The following SLC13A3 variants were observed in gnomAD, a reference collection of about 807,000 sequenced individuals.
SLC13A3 encodes the protein Na(+)/dicarboxylate cotransporter 3.
Under a neutral mutation model 59.0 loss-of-function variants are expected in SLC13A3, and 40 were observed. The ratio of observed to expected loss-of-function variants is 0.68; its 90% CI spans 0.53 to 0.88. The LOEUF is 0.88. Ranked by LOEUF, SLC13A3 falls within the 40% of genes least tolerant of loss-of-function variation. The pLI, the probability that SLC13A3 is intolerant of heterozygous loss-of-function variation, is 0.00. For missense variants in SLC13A3, 699 were observed against 783.2 expected (o/e 0.89, Z 1.28); for synonymous variants, 317 against 330.3 (o/e 0.96, Z 0.44).
intron 9 of SLC13A3, chr20:46,583,315 CTG>C (rs2062157628): frequency 5.3e-6 from 5 of 947,888 alleles, no homozygotes; most frequent in South Asian, 5.3e-5. Flanking sequence ...AATCTGAAAA[CTG>C]TGCTTAGCTC....
chr20:46,578,898 C>T (rs547556314), intron 9 of SLC13A3, among the ~76,000 whole-genome samples: 18 of 148,450 alleles, frequency 1.2e-4, no homozygotes, highest in South Asian at 2.2e-4. Context: ...GAGAAGTCGT[C>T]GTCGTCGTCA....
intron 7 of SLC13A3, 37 bp from the exon 8 acceptor site, chr20:46,588,200 G>T: frequency 1.5e-6 from 2 of 1,356,430 alleles, no homozygotes; most frequent in African/African-American, 2.9e-5. Flanking sequence ...GGTGACCCCG[G>T]GTTTCAGGCA....
intron 1 of SLC13A3, among the ~76,000 whole-genome samples, chr20:46,635,636 G>A (rs1464162070): frequency 2.0e-5 from 3 of 152,010 alleles, no homozygotes; most frequent in Non-Finnish European, 2.9e-5. Context: ...TGTCAGAGGC[G>A]TTTGAACCAG....
chr20:46,661,739 T>A (rs1249933091), intron 1 of SLC13A3, among the ~76,000 whole-genome samples: 3 of 152,172 alleles, frequency 2.0e-5, no homozygotes, highest in African/African-American at 7.2e-5. Context: ...GGGTGTCTTT[T>A]CACTATAAGC....
chr20:46,597,794 T>C (rs1366005522), intron 4 of SLC13A3, among the ~76,000 whole-genome samples: 2 of 152,236 alleles, frequency 1.3e-5, no homozygotes, highest in African/African-American at 4.8e-5. Context: ...TTCATTTAAC[T>C]GTTATAATCT....
chr20:46,592,556 G>A, intron 5 of SLC13A3, 27 bp from the exon 6 acceptor site: 1 of 1,612,324 alleles, frequency 6.2e-7, no homozygotes, highest in Non-Finnish European at 8.5e-7. Flanking sequence ...GATGAGAACA[G>A]GCCAAGGGCA....
upstream of SLC13A3, among the ~76,000 whole-genome samples, chr20:46,671,552 T>C (rs2063092027): frequency 6.6e-6 from 1 of 152,098 alleles, no homozygotes; most frequent in Non-Finnish European, 1.5e-5. Context: ...AGTTCATATG[T>C]AGAACCAAAT....
chr20:46,611,559 C>T (rs2062493954), intron 2 of SLC13A3, among the ~76,000 whole-genome samples: 1 of 152,188 alleles, frequency 6.6e-6, no homozygotes, highest in Admixed American at 6.5e-5. Context: ...AGAGATAATG[C>T]TAGAAACCTA....
At chr20:46,560,684 G>A (rs2061923366) in intron 12 of SLC13A3, among the ~76,000 whole-genome samples, 1 of 151,916 alleles carries the variant, frequency 6.6e-6, no homozygotes, top group Admixed American at 6.6e-5. Context: ...GTACACATAG[G>A]TACACACACA....
intron 1 of SLC13A3, among the ~76,000 whole-genome samples, chr20:46,614,857 G>T (rs2062539905): frequency 6.6e-6 from 1 of 152,184 alleles, no homozygotes; most frequent in Non-Finnish European, 1.5e-5. Context: ...GGCAGACAAA[G>T]TAATTTAAAT....
intron 8 of SLC13A3, chr20:46,585,230 A>G (rs2062178960): frequency 3.1e-6 from 3 of 976,100 alleles, no homozygotes; most frequent in Non-Finnish European, 3.7e-6. Context: ...ATATGTATAC[A>G]TATTTGTATG....
intron 2 of SLC13A3, among the ~76,000 whole-genome samples, chr20:46,613,250 T>A (rs536409758): frequency 2.0e-4 from 30 of 151,468 alleles, no homozygotes; most frequent in Non-Finnish European, 3.7e-4. Context: ...CTGCCCATGA[T>A]GGGCCTAGTG....
intron 1 of SLC13A3, among the ~76,000 whole-genome samples, chr20:46,657,103 A>G (rs1022246598): frequency 6.6e-6 from 1 of 152,086 alleles, no homozygotes; most frequent in African/African-American, 2.4e-5. Context: ...GCAAAACCTC[A>G]TCTCTACTAA....
At chr20:46,617,362 G>A (rs1407135717) in intron 1 of SLC13A3, among the ~76,000 whole-genome samples, 1 of 152,172 alleles carries the variant, frequency 6.6e-6, no homozygotes, top group Admixed American at 6.5e-5. Flanking sequence ...TTAGTCAGGT[G>A]CCTATAGTCC....
At chr20:46,642,392 G>C (rs1269080455) in intron 1 of SLC13A3, among the ~76,000 whole-genome samples, 2 of 152,158 alleles carry the variant, frequency 1.3e-5, no homozygotes, top group East Asian at 3.9e-4. Flanking sequence ...CCTCCTCATA[G>C]GCCTCCCTTG....
At chr20:46,587,092 G>C (rs2062201019) in intron 8 of SLC13A3, among the ~76,000 whole-genome samples, 2 of 152,138 alleles carry the variant, frequency 1.3e-5, no homozygotes, top group South Asian at 4.1e-4. Flanking sequence ...GGCCCAAAAA[G>C]ACACGGGCCA....
intron 3 of SLC13A3, among the ~76,000 whole-genome samples, chr20:46,609,992 T>C (rs1039804788): frequency 6.6e-6 from 1 of 152,232 alleles, no homozygotes; most frequent in South Asian, 2.1e-4. Flanking sequence ...TTTCTAGCAG[T>C]ACACGAAAGT....
At chr20:46,632,967 C>CTATT (rs2062759879) in intron 1 of SLC13A3, among the ~76,000 whole-genome samples, 2 of 151,742 alleles carry the variant, frequency 1.3e-5, no homozygotes, top group Non-Finnish European at 2.9e-5. Flanking sequence ...ATCTATCTAT[C>CTATT]TGTTTATGTA....
chr20:46,581,178 A>T (rs2062132908), intron 9 of SLC13A3, among the ~76,000 whole-genome samples: 1 of 152,146 alleles, frequency 6.6e-6, no homozygotes, highest in Non-Finnish European at 1.5e-5. Context: ...CTCCCAGACT[A>T]AGCCCCAATT....
Sources: gnomAD v4.1 joint callset for allele counts (sites outside exome capture counted in the v4.1 genomes callset) on GRCh38, gnomAD v4.1.1 for gene constraint, MANE v1.5 for transcripts, NCBI Gene and HGNC (gene_info 2026-07-23, HGNC 2026-07-21) for gene names.